DNHD1: variants seen among roughly 807,000 people sequenced by gnomAD.
DNHD1 encodes dynein heavy chain domain-containing protein 1.
A neutral mutation model predicts 458.1 loss-of-function variants in DNHD1; 383 were observed. The observed-to-expected ratio is 0.84, with a 90% confidence interval of 0.77 to 0.91. The LOEUF is 0.91. Among genes scored for constraint, DNHD1 ranks in the 40% least tolerant of loss-of-function variants. The probability of loss-of-function intolerance (pLI) is 0.00; values close to 1 mark genes in which losing one functional copy is unlikely to be tolerated. For synonymous variants in DNHD1, 2,203 were observed against 2,376.9 expected (o/e 0.93, Z 2.13); for missense variants, 5,336 against 5,866.1 (o/e 0.91, Z 2.95).
chr11:6,549,160 G>GT, intron 24 of DNHD1: 1 of 578,620 alleles, frequency 1.7e-6, no homozygotes, highest in Non-Finnish European at 3.0e-6. Flanking sequence ...TCTTTTCTAA[G>GT]CACCAGATCT....
At position 6,570,958 on chromosome 11, in the gene DNHD1, G is replaced by A. The variant is rs775211717; in HGVS notation, c.13446G>A (p.Glu4482=). The A allele has an allele frequency of 1.9e-6, 3 of 1,607,530 alleles. No individual in the cohort carries two copies. The highest frequency in any genetic ancestry group is 2.6e-6 in the Non-Finnish European group (3 of 1,174,846). ...VLGPNARRPL[E]GVLETEALEL... is the part of the protein sequence containing the mutation. Reference sequence around the variant, plus strand: ...GGCCAAATGCACGGCGGCCTCTGGAGGGCGTCTTAGAGACCGAGGCTCTAG... The same window carrying A: ...GGCCAAATGCACGGCGGCCTCTGGAAGGCGTCTTAGAGACCGAGGCTCTAG... The change falls in exon 42 of 43, where the codon GAG becomes GAA. Residue 4482 remains glutamate (E), a synonymous_variant. Coordinates refer to ENST00000254579, the MANE Select transcript of DNHD1 (RefSeq NM_144666.3).
rs1852329192 is a variant in DNHD1, at chr11:6,511,206, A to T, written c.1236-67A>T. On this transcript the variant is annotated intron_variant, in intron 6 of 42. Coordinates refer to ENST00000254579, the MANE Select transcript of DNHD1 (RefSeq NM_144666.3). Reference sequence around the variant, plus strand: ...GCAGTCTGAGGTAAGCTAGGCTGAGAAGAGGTCAAAGGTATCCAAGGAAGG... The same window carrying T: ...GCAGTCTGAGGTAAGCTAGGCTGAGTAGAGGTCAAAGGTATCCAAGGAAGG... 4 of 1,574,894 alleles carry T rather than the reference A, an allele frequency of 2.5e-6. No homozygotes were observed. In the South Asian group the frequency reaches 4.6e-5, roughly 18 times the overall value.
At position 6,517,574 on chromosome 11, in the gene DNHD1, C is replaced by T. The variant is rs189595839; in HGVS notation, c.1393-2026C>T. ...AAGGAAATAATGCCATTAGTGACAA[C>T]ACGTATGAACCTGGGGACATTATGC... is the stretch of plus-strand genomic sequence containing the variant. On this transcript the variant is annotated intron_variant, in intron 7 of 42. Transcript: ENST00000254579. 2.1e-5 allele frequency among the ~76,000 whole-genome samples: 3 copies of T among 143,730 alleles called. No individual in the cohort carries two copies. The East Asian group carries it at 6.6e-4, about 31-fold the overall frequency. The allele number at this position is 143,730 out of a possible 152,430, so 94.3% of individuals were successfully genotyped here. A position where few individuals can be genotyped will look rare whatever the true frequency, so the allele number is the denominator to read the frequency against.
Position 6,571,627 on chromosome 11 carries a change from C to T in DNHD1, c.13912-9C>T, listed in dbSNP as rs1564826740. Reference sequence around the variant, plus strand: ...CTAGCCTTGCCTGACCAGCTTCTGACGCCCCCAGGTGGAGAATGGTCCAAA... The same window carrying T: ...CTAGCCTTGCCTGACCAGCTTCTGATGCCCCCAGGTGGAGAATGGTCCAAA... On this transcript the variant is annotated splice_polypyrimidine_tract_variant and intron_variant, in intron 42 of 42. Transcript: ENST00000254579. This position sits in a 1 kb window ranked among gnomAD's most constrained non-coding sequence, Gnocchi z 5.0. 2 of 1,549,188 alleles carry T rather than the reference C, an allele frequency of 1.3e-6. No homozygotes were observed. Among genetic ancestry groups the T allele is most frequent in the East Asian group, 2.3e-5 (1 of 42,836 alleles).
chr11:6,550,808 A>T (rs556674983), intron 24 of DNHD1, among the ~76,000 whole-genome samples: 1 of 152,252 alleles, frequency 6.6e-6, no homozygotes, highest in South Asian at 2.1e-4. Context: ...GATTCAACTC[A>T]TCAGAAAGAC....
Position 6,520,077 on chromosome 11 carries a change from A to G in DNHD1, c.1760A>G (p.Gln587Arg). 4 of 1,614,200 alleles carry G rather than the reference A, an allele frequency of 2.5e-6. No homozygotes were observed. The highest frequency in any genetic ancestry group is 3.4e-6 in the Non-Finnish European group (4 of 1,180,034). ...ATCCAGACTCTAACTGGAGGCCTACAGTCTGTCAAGACCTCTGCCTTGCAG... is the reference window on the plus strand; with the variant it reads ...ATCCAGACTCTAACTGGAGGCCTACGGTCTGTCAAGACCTCTGCCTTGCAG... ...NMIQTLTGGL[Q>R]SVKTSALQVV... The change falls in exon 9 of 43, where the codon CAG becomes CGG. Residue 587 changes from glutamine to arginine, a missense_variant. Physicochemically the swap from Gln to Arg is conservative, Grantham distance 43 (BLOSUM62 1). This residue lies in a region of DNHD1 where 3,932 missense variants were observed against 4,365.6 expected (regional missense o/e 0.90). Transcript: ENST00000254579.
rs757985164 is a variant in DNHD1 at position 6,511,436 on chromosome 11, G to A, written c.1392+7G>A. On this transcript the variant is annotated splice_region_variant and intron_variant, in intron 7 of 42. Transcript: ENST00000254579. ...CACATCCATTCTTCGACTGGTAAGA[G>A]GCTCTTAGTTTATTGTGGACCTCTT... 34 of 1,613,416 alleles carry A rather than the reference G, an allele frequency of 2.1e-5. No individual in the cohort carries two copies. In the African/African-American group the frequency reaches 4.3e-4, roughly 20 times the overall value.
Position 6,497,987 on chromosome 11 carries a change from G to C in DNHD1, c.-229G>C. ...GGGTCTCAGGAAAGGCTCTCTGCTG[G>C]TCTGGCTCTGCTCTGTAGCTCCATC... On this transcript the variant is annotated 5_prime_UTR_variant, in exon 3 of 43. Transcript: ENST00000254579. 1 of 599,056 alleles carries C rather than the reference G, an allele frequency of 1.7e-6. No homozygotes were observed. The highest frequency in any genetic ancestry group is 2.9e-6 in the Non-Finnish European group (1 of 340,696). 37.1% of individuals were successfully genotyped at this position (599,056 alleles called of 1,614,324 possible).
intron 6 of DNHD1, among the ~76,000 whole-genome samples, chr11:6,510,550 G>A (rs1852317317): frequency 6.6e-6 from 1 of 152,226 alleles, no homozygotes; most frequent in South Asian, 2.1e-4. Flanking sequence ...GGGCTTGGGA[G>A]ACGGGACAAA....
chr11:6,538,185 T>C (rs1293298337), intron 14 of DNHD1, among the ~76,000 whole-genome samples, 198 bp from the exon 15 acceptor site: 3 of 152,224 alleles, frequency 2.0e-5, no homozygotes, highest in African/African-American at 7.2e-5. Flanking sequence ...CCAGATGGTC[T>C]TTCCCTGGAG....
intron 7 of DNHD1, among the ~76,000 whole-genome samples, chr11:6,517,276 C>T (rs780016716): frequency 6.6e-6 from 1 of 152,224 alleles, no homozygotes; most frequent in Non-Finnish European, 1.5e-5. Context: ...ACAGGCTGTA[C>T]ATTAGATTCC....
chr11:6,564,832 T>C, intron 32 of DNHD1, 28 bp downstream of exon 32: 1 of 1,464,984 alleles, frequency 6.8e-7, no homozygotes, highest in Non-Finnish European at 9.1e-7. Flanking sequence ...ATGCAATGCT[T>C]CCGGAGTATC....
In DNHD1 at chr11:6,547,251, G is replaced by C. The variant is rs1338541116; in HGVS notation, c.6312G>C (p.Glu2104Asp). Residue 2104 changes from glutamate (E) to aspartate (D), a missense_variant, in exon 21 of 43, where the codon GAG becomes GAC. Physicochemically the swap from Glu to Asp is conservative, Grantham distance 45 (BLOSUM62 2). Transcript: ENST00000254579. Reference sequence around the variant, plus strand: ...ACTCCATCACTTGCCTCCTGAGTGAGCTTCCCCAGCTTAGTCTCCCCAGTG... The same window carrying C: ...ACTCCATCACTTGCCTCCTGAGTGACCTTCCCCAGCTTAGTCTCCCCAGTG... ...WLDSITCLLS[E>D]LPQLSLPSGQ... 6.4e-7 allele frequency: 1 copy of C among 1,551,676 alleles called. No individual in the cohort carries two copies. Among genetic ancestry groups the C allele is most frequent in the African/African-American group, 1.4e-5 (1 of 73,060 alleles).
At position 6,509,187 on chromosome 11, in the gene DNHD1, G is replaced by A. The variant is rs868725621; in HGVS notation, c.1150G>A (p.Gly384Arg). Residue 384 changes from glycine (G) to arginine (R), a missense_variant, in exon 6 of 43, where the codon GGG becomes AGG. Physicochemically the swap from Gly to Arg is moderately radical, Grantham distance 125 (BLOSUM62 -2). Around this residue, in one of 4 missense-constraint regions of DNHD1, gnomAD observed 3,932 missense variants for 4,365.6 expected, o/e 0.90. Transcript: ENST00000254579. ...TCWKKNVRLQGLHRLQKFLEN... is the reference protein window; with the variant it reads ...TCWKKNVRLQRLHRLQKFLEN... ...TTGGAAGAAGAATGTGAGATTACAG[G>A]GGCTGCATCGACTCCAGAAATTCCT... The A allele has an allele frequency of 6.2e-7, 1 of 1,614,194 alleles. No individual in the cohort carries two copies.
Position 6,498,838 on chromosome 11 carries a change from A to T in DNHD1, c.623A>T (p.Glu208Val). The T allele has an allele frequency of 1.2e-6, 2 of 1,614,204 alleles. No homozygotes were observed. Among genetic ancestry groups the T allele is most frequent in the Non-Finnish European group, 1.7e-6 (2 of 1,180,048 alleles). The change falls in exon 3 of 43, where the codon GAG becomes GTG. Residue 208 changes from glutamate to valine, a missense_variant. By Grantham distance (121) the Glu-to-Val change is moderately radical. Around this residue, in one of 4 missense-constraint regions of DNHD1, gnomAD observed 3,932 missense variants for 4,365.6 expected, o/e 0.90. Transcript: ENST00000254579. Reference sequence around the variant, plus strand: ...GTTGGTGCTCAGGTGGCCCTAGAAGAGGCTGTGTGGCTGGATGGACTTAGT... The same window carrying T: ...GTTGGTGCTCAGGTGGCCCTAGAAGTGGCTGTGTGGCTGGATGGACTTAGT... Reference protein sequence around the residue: ...GIVGAQVALEEAVWLDGLSLL... With the variant: ...GIVGAQVALEVAVWLDGLSLL...
At chr11:6,554,237 T>C (rs1427767121) in intron 24 of DNHD1, among the ~76,000 whole-genome samples, 1 of 152,142 alleles carries the variant, frequency 6.6e-6, no homozygotes, top group Non-Finnish European at 1.5e-5. Flanking sequence ...GGGGAAAGGA[T>C]AGCCTTTTCA....
rs1292028956 is a variant in DNHD1 at position 6,498,540 on chromosome 11, G to A, written c.325G>A (p.Glu109Lys). The change falls in exon 3 of 43, where the codon GAG (glutamate) becomes AAG (lysine). Residue 109 changes from glutamate to lysine, a missense_variant. Coordinates refer to ENST00000254579, the MANE Select transcript of DNHD1 (RefSeq NM_144666.3). ...VGHLDLLPFLEQLYCWAPWVQ... is the reference protein window; with the variant it reads ...VGHLDLLPFLKQLYCWAPWVQ... Reference sequence around the variant, plus strand: ...CCACCTTGATTTGCTGCCCTTCCTGGAGCAGCTGTACTGCTGGGCACCCTG... The same window carrying A: ...CCACCTTGATTTGCTGCCCTTCCTGAAGCAGCTGTACTGCTGGGCACCCTG... 6.2e-7 allele frequency: 1 copy of A among 1,614,130 alleles called. No individual in the cohort carries two copies. Among genetic ancestry groups the A allele is most frequent in the East Asian group, 2.2e-5 (1 of 44,884 alleles).
chr11:6,553,787 A>G (rs995286288), intron 24 of DNHD1, among the ~76,000 whole-genome samples: 2 of 152,222 alleles, frequency 1.3e-5, no homozygotes, highest in African/African-American at 4.8e-5. Flanking sequence ...AATTTAATTA[A>G]AAGCATTCAA....
Position 6,557,235 on chromosome 11 carries a change from G to A in DNHD1, c.7940G>A (p.Trp2647Ter), listed in dbSNP as rs377223894. 6.4e-7 allele frequency: 1 copy of A among 1,551,588 alleles called. No individual in the cohort carries two copies. Among genetic ancestry groups the A allele is most frequent in the Non-Finnish European group, 8.7e-7 (1 of 1,147,004 alleles). The change falls in exon 25 of 43, where the codon TGG (tryptophan) becomes TAG (stop). Residue 2647 changes from tryptophan to a stop codon, truncating the protein, a stop_gained. Coordinates refer to ENST00000254579, the MANE Select transcript of DNHD1 (RefSeq NM_144666.3). LOFTEE classifies it high-confidence loss of function. Reference sequence around the variant, plus strand: ...GCCACACGCAATGTGGTGCGTCTTTGGTTGCATGAGGCACAGAGAACCTTT... The same window carrying A: ...GCCACACGCAATGTGGTGCGTCTTTAGTTGCATGAGGCACAGAGAACCTTT... ...MMATRNVVRL[W>*]LHEAQRTFCD... is the part of the protein sequence containing the mutation.
Sources: gnomAD v4.1 joint callset for allele counts (sites outside exome capture counted in the v4.1 genomes callset) on GRCh38, gnomAD v4.1.1 for gene constraint, gnomAD v4.1.1 regional missense constraint, Gnocchi (gnomAD v3.1) non-coding constraint, MANE v1.5 for transcripts, NCBI Gene and HGNC (gene_info 2026-07-23, HGNC 2026-07-21) for gene names.